The following DLC1 variants were observed in gnomAD, a reference collection of about 807,000 sequenced individuals.
DLC1 encodes the protein rho GTPase-activating protein 7.
In DLC1, 54 loss-of-function variants were observed where a neutral mutation model predicts 140.3. The observed-to-expected ratio is 0.38, with a 90% CI of 0.31 to 0.48. The LOEUF (loss-of-function observed/expected upper bound fraction) is 0.48. DLC1 is among the 20% of genes least tolerant of loss of function. The probability of loss-of-function intolerance (pLI) is 0.96; values close to 1 mark genes in which losing one functional copy is unlikely to be tolerated. For missense variants in DLC1, 2,536 were observed against 1,907.0 expected (o/e 1.33, Z -6.14); for synonymous variants, 986 against 728.1 (o/e 1.35, Z -5.70).
intron 5 of DLC1, among the ~76,000 whole-genome samples, chr8:13,170,548 G>C (rs1214204142): frequency 2.6e-5 from 4 of 152,108 alleles, no homozygotes; most frequent in African/African-American, 7.2e-5. Context: ...GGCCAACACG[G>C]TGAAACCCCG....
intron 4 of DLC1, among the ~76,000 whole-genome samples, chr8:13,310,656 T>G (rs1211313234): frequency 6.6e-6 from 1 of 152,250 alleles, no homozygotes; most frequent in African/African-American, 2.4e-5. Flanking sequence ...TTAAAGAGTC[T>G]TTTGAAATCA....
chr8:13,360,410 T>C (rs1480890145), intron 4 of DLC1, among the ~76,000 whole-genome samples: 1 of 152,184 alleles, frequency 6.6e-6, no homozygotes, highest in Non-Finnish European at 1.5e-5. Context: ...ATTATCACTG[T>C]AGCCAGGGTT....
intron 2 of DLC1, among the ~76,000 whole-genome samples, chr8:13,443,259 A>T (rs1479554850): frequency 6.6e-6 from 1 of 150,618 alleles, no homozygotes; most frequent in Admixed American, 6.7e-5. Flanking sequence ...AGGTTAAATG[A>T]TAGTTAATGG....
chr8:13,459,582 G>C (rs1358090905), intron 2 of DLC1, among the ~76,000 whole-genome samples: 2 of 152,112 alleles, frequency 1.3e-5, no homozygotes. Context: ...GGGGGCAGGG[G>C]CTGGGAGTGC....
At chr8:13,258,190 C>T (rs1164974138) in intron 5 of DLC1, among the ~76,000 whole-genome samples, 5 of 152,186 alleles carry the variant, frequency 3.3e-5, no homozygotes, top group Non-Finnish European at 5.9e-5. Flanking sequence ...AAGCGTCACA[C>T]TCGGAACTCT....
chr8:13,242,100 C>T (rs1829568604), intron 5 of DLC1, among the ~76,000 whole-genome samples: 1 of 152,138 alleles, frequency 6.6e-6, no homozygotes. Flanking sequence ...TCCAATATTA[C>T]CATCGTTACA....
intron 5 of DLC1, among the ~76,000 whole-genome samples, chr8:13,170,536 C>T (rs565348739): frequency 9.2e-5 from 14 of 152,208 alleles, no homozygotes; most frequent in South Asian, 2.1e-4. Flanking sequence ...CGAGACCATC[C>T]TGGCCAACAC....
At chr8:13,538,303 C>G (rs1202344484) in intron 1 of DLC1, among the ~76,000 whole-genome samples, 2 of 151,450 alleles carry the variant, frequency 1.3e-5, no homozygotes, top group African/African-American at 4.9e-5. Flanking sequence ...TATAAACTTT[C>G]GTGTAAATGG....
chr8:13,499,146 T>A lies in DLC1; in HGVS notation c.926A>T (p.Lys309Met), dbSNP rs34242235. ...FSQHQNKSPP[K>M]VKAEDGMQCL... ...CTGCATGCCATCTTCTGCCTTGACC[T>A]TTGGTGGACTTTTGTTTTGATGTTG... Residue 309 changes from lysine (K) to methionine (M), a missense_variant, in exon 2 of 18, where the codon AAG becomes ATG. Coordinates refer to ENST00000276297, the MANE Select transcript of DLC1 (RefSeq NM_182643.3). 1.1e-3 allele frequency: 1,764 copies of A among 1,614,176 alleles called. 25 individuals are homozygous for A. In the African/African-American group the frequency reaches 0.021, roughly 20 times the overall value.
At chr8:13,169,866 A>AG (rs1258161030) in intron 5 of DLC1, among the ~76,000 whole-genome samples, 4 of 151,786 alleles carry the variant, frequency 2.6e-5, no homozygotes, top group Non-Finnish European at 5.9e-5. Context: ...CTAAAAAAAA[A>AG]AAAGCCAGAT....
At chr8:13,244,887 C>T (rs1222691782) in intron 5 of DLC1, among the ~76,000 whole-genome samples, 4 of 152,186 alleles carry the variant, frequency 2.6e-5, no homozygotes, top group Admixed American at 6.5e-5. Flanking sequence ...TTAACCATTC[C>T]AGGCAAGAAG....
chr8:13,526,880 C>A (rs549180394), intron 1 of DLC1, among the ~76,000 whole-genome samples: 4 of 152,214 alleles, frequency 2.6e-5, no homozygotes, highest in African/African-American at 7.2e-5. Flanking sequence ...ATGTAACAAA[C>A]CTGCACGTTG....
intron 4 of DLC1, among the ~76,000 whole-genome samples, chr8:13,328,955 G>C (rs936454777): frequency 6.6e-6 from 1 of 152,214 alleles, no homozygotes; most frequent in Non-Finnish European, 1.5e-5. Context: ...AGCAAGCGTA[G>C]ATATGGAAAT....
chr8:13,383,594 T>C (rs1037674766), intron 4 of DLC1, among the ~76,000 whole-genome samples: 17 of 152,212 alleles, frequency 1.1e-4, no homozygotes, highest in African/African-American at 3.4e-4. Flanking sequence ...CACCCAATAA[T>C]TCTTTTTATA....
At chr8:13,306,168 T>C (rs1027424569) in intron 4 of DLC1, among the ~76,000 whole-genome samples, 3 of 152,196 alleles carry the variant, frequency 2.0e-5, no homozygotes, top group Non-Finnish European at 4.4e-5. Context: ...TTTATTAAAA[T>C]GGGCCTTGGT....
intron 5 of DLC1, among the ~76,000 whole-genome samples, chr8:13,132,702 C>T (rs1443436651): frequency 6.6e-6 from 1 of 152,188 alleles, no homozygotes; most frequent in African/African-American, 2.4e-5. Context: ...TGCGCTGGCC[C>T]GCGGTCCCCA....
chr8:13,453,437 TGTATATATATAC>T (rs1256789716), intron 2 of DLC1, among the ~76,000 whole-genome samples: 408 of 35,922 alleles, frequency 0.011, 16 homozygotes, highest in Non-Finnish European at 0.014. Context: ...TATATATATA[TGTATATATATAC>T]ATATATATAT....
chr8:13,220,597 A>G (rs1341581540), intron 5 of DLC1, among the ~76,000 whole-genome samples: 1 of 152,188 alleles, frequency 6.6e-6, no homozygotes, highest in Non-Finnish European at 1.5e-5. Flanking sequence ...TGCCTTTAAG[A>G]AAAGAAGCAG....
intron 2 of DLC1, among the ~76,000 whole-genome samples, chr8:13,498,494 T>G (rs893668218): frequency 1.3e-5 from 2 of 152,134 alleles, no homozygotes; most frequent in African/African-American, 4.8e-5. Flanking sequence ...GATATATATA[T>G]TGATGGTGAG....
Sources: allele counts gnomAD v4.1 joint callset (sites outside exome capture counted in the v4.1 genomes callset), GRCh38; gene constraint gnomAD v4.1.1; transcripts MANE v1.5; gene names NCBI Gene and HGNC (gene_info 2026-07-23, HGNC 2026-07-21).